DCC: variants seen among roughly 807,000 people sequenced by gnomAD.
The protein encoded by DCC is netrin receptor DCC.
A neutral mutation model predicts 172.5 loss-of-function variants in DCC; 58 were observed. The ratio of observed to expected loss-of-function variants is 0.34; its 90% CI spans 0.27 to 0.42. The LOEUF (loss-of-function observed/expected upper bound fraction) is 0.42. Ranked by LOEUF, DCC falls within the 10% of genes least tolerant of loss-of-function variation. DCC has a pLI of 1.00. For synonymous variants in DCC, 709 were observed against 644.5 expected (o/e 1.10, Z -1.52); for missense variants, 1,740 against 1,791.0 (o/e 0.97, Z 0.51).
At chr18:52,650,272 C>A (rs1380428233) in intron 1 of DCC, among the ~76,000 whole-genome samples, 1 of 152,100 alleles carries the variant, frequency 6.6e-6, no homozygotes, top group Admixed American at 6.5e-5. Flanking sequence ...AGCCACCACA[C>A]CCGGCCTCTA....
intron 9 of DCC, among the ~76,000 whole-genome samples, chr18:53,183,402 T>C (rs1289129895): frequency 6.6e-6 from 1 of 152,206 alleles, no homozygotes; most frequent in Admixed American, 6.5e-5. Context: ...CTCTACCATA[T>C]TATCAGCCAG....
intron 12 of DCC, among the ~76,000 whole-genome samples, chr18:53,242,488 C>T (rs2056310659): frequency 1.3e-5 from 2 of 152,110 alleles, no homozygotes; most frequent in African/African-American, 2.4e-5. Context: ...ACAAAATGAC[C>T]TACTCAGTGA....
At chr18:52,916,798 C>T (rs944857858) in intron 3 of DCC, among the ~76,000 whole-genome samples, 2 of 152,036 alleles carry the variant, frequency 1.3e-5, no homozygotes, top group South Asian at 4.1e-4. Flanking sequence ...TGTTTGAGAT[C>T]AGATTGTTTC....
chr18:53,517,807 A>C (rs971366498), intron 27 of DCC, among the ~76,000 whole-genome samples: 1 of 152,162 alleles, frequency 6.6e-6, no homozygotes, highest in Admixed American at 6.5e-5. Context: ...TATCACCCTT[A>C]AAGTACAATT....
chr18:52,534,148 A>AT (rs910940881), intron 1 of DCC, among the ~76,000 whole-genome samples: 9 of 151,906 alleles, frequency 5.9e-5, no homozygotes, highest in African/African-American at 1.9e-4. Context: ...AATGTTTTCA[A>AT]TTTTTTTTCA....
chr18:53,228,519 A>G (rs911088150), intron 12 of DCC, among the ~76,000 whole-genome samples: 1 of 152,154 alleles, frequency 6.6e-6, no homozygotes, highest in Non-Finnish European at 1.5e-5. Context: ...GTCAGCAATC[A>G]GTGAGCAACT....
At chr18:52,399,865 G>A (rs1233017215) in intron 1 of DCC, among the ~76,000 whole-genome samples, 1 of 151,908 alleles carries the variant, frequency 6.6e-6, no homozygotes, top group African/African-American at 2.4e-5. Flanking sequence ...AGTATATCTT[G>A]CTGATAATTG....
At chr18:53,474,707 C>T (rs1163228510) in intron 25 of DCC, among the ~76,000 whole-genome samples, 1 of 152,162 alleles carries the variant, frequency 6.6e-6, no homozygotes, top group Non-Finnish European at 1.5e-5. Flanking sequence ...TGCTCAATCA[C>T]AGGTATGTCT....
intron 1 of DCC, among the ~76,000 whole-genome samples, chr18:52,408,852 C>G (rs1316693317): frequency 1.3e-5 from 2 of 152,070 alleles, no homozygotes; most frequent in African/African-American, 2.4e-5. Context: ...CTGGAAACTT[C>G]TGAGTTCTCT....
chr18:53,080,249 T>G (rs1010321874), intron 7 of DCC, among the ~76,000 whole-genome samples: 7 of 152,034 alleles, frequency 4.6e-5, no homozygotes, highest in African/African-American at 7.2e-5. Flanking sequence ...CCTAAATTCT[T>G]GACTTAACTG....
chr18:53,459,049 T>G (rs1029303009), intron 23 of DCC, among the ~76,000 whole-genome samples, 183 bp from the exon 24 acceptor site: 2 of 152,130 alleles, frequency 1.3e-5, no homozygotes, highest in Non-Finnish European at 2.9e-5. Flanking sequence ...TATAATGTGG[T>G]GAAGCTCCAG....
chr18:53,468,987 A>G (rs1158950883), intron 25 of DCC, among the ~76,000 whole-genome samples: 1 of 152,098 alleles, frequency 6.6e-6, no homozygotes, highest in Non-Finnish European at 1.5e-5. Context: ...CATAAATTCC[A>G]TGTCACACCA....
chr18:52,929,726 G>C (rs1297409521), intron 5 of DCC, among the ~76,000 whole-genome samples: 1 of 151,132 alleles, frequency 6.6e-6, no homozygotes, highest in Non-Finnish European at 1.5e-5. Flanking sequence ...ACATGTTTAT[G>C]GTTTAAAAAT....
intron 1 of DCC, among the ~76,000 whole-genome samples, chr18:52,540,239 C>G (rs910907490): frequency 3.9e-5 from 6 of 152,062 alleles, no homozygotes; most frequent in African/African-American, 1.4e-4. Context: ...AGTTAGAAAC[C>G]ATCCTGGGCA....
chr18:53,195,678 A>C (rs1041796742), intron 9 of DCC, among the ~76,000 whole-genome samples: 1 of 151,558 alleles, frequency 6.6e-6, no homozygotes, highest in African/African-American at 2.4e-5. Context: ...CATTCAACCC[A>C]TTCCTCCTGA....
Position 53,112,474 on chromosome 18 carries a change from G to A in DCC, c.1262-44882G>A, listed in dbSNP as rs576901797. Among the ~76,000 whole-genome samples, 7 of 151,602 alleles carry A rather than the reference G, an allele frequency of 4.6e-5. No homozygotes were observed. The South Asian group carries it at 6.2e-4, about 14-fold the overall frequency. ...ACTCATATAATAAATGGCAGCTTCT[G>A]GATTTGAACCCAGATCTGCCTTTAT... is the stretch of plus-strand genomic sequence containing the variant. On this transcript the variant is annotated intron_variant, in intron 7 of 28. Transcript: ENST00000442544.
intron 1 of DCC, among the ~76,000 whole-genome samples, chr18:52,649,838 G>A (rs2035094162): frequency 6.6e-6 from 1 of 152,222 alleles, no homozygotes; most frequent in Non-Finnish European, 1.5e-5. Context: ...TGGGCACTTA[G>A]GTTTATTCCA....
intron 1 of DCC, among the ~76,000 whole-genome samples, chr18:52,551,727 T>TACAC (rs74178673): frequency 0.02 from 2,512 of 126,244 alleles, 74 homozygotes; most frequent in African/African-American, 0.069. Context: ...TACTCTCCTC[T>TACAC]ACACACACAC....
intron 2 of DCC, among the ~76,000 whole-genome samples, chr18:52,827,039 C>T (rs76483825): frequency 2.0e-5 from 3 of 152,106 alleles, no homozygotes; most frequent in Admixed American, 6.5e-5. Context: ...TATACAAATA[C>T]TGCACCATTT....
Sources: gnomAD v4.1 joint callset for allele counts (sites outside exome capture counted in the v4.1 genomes callset) on GRCh38, gnomAD v4.1.1 for gene constraint, MANE v1.5 for transcripts, NCBI Gene and HGNC (gene_info 2026-07-23, HGNC 2026-07-21) for gene names.